BMPR1B: variants seen among roughly 807,000 people sequenced by gnomAD.
BMPR1B encodes bone morphogenetic protein receptor type 1B.
Under a neutral mutation model 59.1 loss-of-function variants are expected in BMPR1B, and 12 were observed. That is an observed-to-expected ratio of 0.20 (90% confidence interval 0.13 to 0.33). The LOEUF (loss-of-function observed/expected upper bound fraction) is 0.33. Among genes scored for constraint, BMPR1B ranks in the 10% least tolerant of loss-of-function variants. BMPR1B has a pLI of 1.00. For missense variants in BMPR1B, 550 were observed against 610.9 expected (o/e 0.90, Z 1.05); for synonymous variants, 237 against 207.3 (o/e 1.14, Z -1.23).
At chr4:95,051,713 A>C in intron 3 of BMPR1B, 1 of 1,535,636 alleles carries the variant, frequency 6.5e-7, no homozygotes, top group Non-Finnish European at 8.7e-7. Context: ...GGTTGGCTGG[A>C]AGAACTAAAC....
chr4:95,008,759 A>G (rs571228189), intron 3 of BMPR1B, among the ~76,000 whole-genome samples: 2 of 152,316 alleles, frequency 1.3e-5, no homozygotes, highest in Admixed American at 1.3e-4. Flanking sequence ...AGAATTTATT[A>G]AAGATACCAT....
chr4:94,902,443 ATTAT>A (rs1209198704), intron 2 of BMPR1B, among the ~76,000 whole-genome samples: 2 of 151,912 alleles, frequency 1.3e-5, no homozygotes, highest in East Asian at 3.9e-4. Flanking sequence ...TATTCTGAAA[ATTAT>A]TTATCTCTAG....
intron 10 of BMPR1B, 102 bp from the exon 11 acceptor site, chr4:95,148,646 T>A: frequency 8.1e-7 from 1 of 1,229,044 alleles, no homozygotes; most frequent in South Asian, 1.3e-5. Flanking sequence ...AAGTTTTTCT[T>A]TTCCACTTTT....
intron 1 of BMPR1B, among the ~76,000 whole-genome samples, chr4:94,829,608 A>ACTGTGCTAG (rs1193587589): frequency 3.3e-5 from 5 of 152,148 alleles, no homozygotes; most frequent in African/African-American, 1.2e-4. Context: ...CTTCATGGGC[A>ACTGTGCTAG]CTGTGCTAGG....
At position 95,142,669 on chromosome 4, in the gene BMPR1B, C is replaced by G. The variant is rs371088448; in HGVS notation, c.1077-6079C>G. 3.3e-5 allele frequency among the ~76,000 whole-genome samples: 5 copies of G among 152,030 alleles called. No individual in the cohort carries two copies. The South Asian group carries it at 8.3e-4, about 25-fold the overall frequency. On this transcript the variant is annotated intron_variant, in intron 10 of 12. Transcript: ENST00000515059. ...TGCCCAAAGGCTCAATGAGGTAGAG[C>G]CACCTTGTTGGAGCTAGCAACTCTT...
At chr4:94,893,164 A>G (rs1291394796) in intron 2 of BMPR1B, among the ~76,000 whole-genome samples, 15 of 152,116 alleles carry the variant, frequency 9.9e-5, no homozygotes. Flanking sequence ...TATAATATAA[A>G]TGAATATAAA....
intron 1 of BMPR1B, among the ~76,000 whole-genome samples, chr4:94,873,708 C>T (rs1184838861): frequency 1.3e-5 from 2 of 151,808 alleles, no homozygotes; most frequent in Non-Finnish European, 2.9e-5. Flanking sequence ...GTGCCCGGCC[C>T]GACCATGAAT....
In BMPR1B at chr4:94,879,589, C is replaced by T. The variant is rs369191445; in HGVS notation, c.-113+3689C>T. 2.9e-4 allele frequency among the ~76,000 whole-genome samples: 44 copies of T among 152,058 alleles called. No homozygotes were observed. The South Asian group carries it at 4.6e-3, about 16-fold the overall frequency. The stretch of plus-strand genomic sequence containing the variant: ...CTGTACTCCAGCTTGGATGACAGAG[C>T]GAGACCCTGTCTCAGAAATAAATAA... On this transcript the variant is annotated intron_variant, in intron 2 of 12. Transcript: ENST00000515059.
intron 1 of BMPR1B, among the ~76,000 whole-genome samples, chr4:94,803,314 A>C (rs187156226): frequency 7.9e-5 from 12 of 152,114 alleles, no homozygotes; most frequent in African/African-American, 2.9e-4. Flanking sequence ...TCTACCCTGC[A>C]CAGTAATCTG....
At chr4:94,857,275 T>G (rs1725796937) in intron 1 of BMPR1B, among the ~76,000 whole-genome samples, 1 of 152,206 alleles carries the variant, frequency 6.6e-6, no homozygotes, top group African/African-American at 2.4e-5. Flanking sequence ...TTAACAAATA[T>G]TTAAGCAAAT....
At chr4:95,060,010 T>A (rs1727236548) in intron 3 of BMPR1B, among the ~76,000 whole-genome samples, 1 of 152,198 alleles carries the variant, frequency 6.6e-6, no homozygotes. Flanking sequence ...CAATGGCCAT[T>A]GAGTACAAAT....
At chr4:94,921,777 T>C (rs1352897884) in intron 2 of BMPR1B, among the ~76,000 whole-genome samples, 1 of 152,164 alleles carries the variant, frequency 6.6e-6, no homozygotes, top group Non-Finnish European at 1.5e-5. Flanking sequence ...ACTGCAGGAT[T>C]GTAGCATTAA....
chr4:94,812,127 C>T (rs1297673662), intron 1 of BMPR1B, among the ~76,000 whole-genome samples: 1 of 152,148 alleles, frequency 6.6e-6, no homozygotes, highest in African/African-American at 2.4e-5. Context: ...TAAACAAGCA[C>T]TTATTGAGCA....
At chr4:95,046,780 GGT>G (rs1220436236) in intron 3 of BMPR1B, among the ~76,000 whole-genome samples, 1 of 152,006 alleles carries the variant, frequency 6.6e-6, no homozygotes, top group Non-Finnish European at 1.5e-5. Context: ...AGACTCCTTT[GGT>G]ATATAAATTA....
At chr4:94,990,046 T>C (rs1721638945) in intron 2 of BMPR1B, among the ~76,000 whole-genome samples, 1 of 152,192 alleles carries the variant, frequency 6.6e-6, no homozygotes, top group Admixed American at 6.5e-5. Context: ...TACTTGGTAT[T>C]TACTCAAGAG....
At chr4:95,003,624 T>C (rs1722607629) in intron 3 of BMPR1B, among the ~76,000 whole-genome samples, 1 of 152,122 alleles carries the variant, frequency 6.6e-6, no homozygotes, top group African/African-American at 2.4e-5. Context: ...TGTATGTGTG[T>C]ATATATGTAT....
intron 1 of BMPR1B, among the ~76,000 whole-genome samples, chr4:94,833,101 G>T (rs896349873): frequency 4.0e-5 from 6 of 151,274 alleles, no homozygotes; most frequent in South Asian, 2.1e-4. Flanking sequence ...TGAGGTGGAA[G>T]GATCACTTGA....
intron 2 of BMPR1B, among the ~76,000 whole-genome samples, chr4:94,928,996 G>T (rs1169679129): frequency 1.3e-5 from 2 of 151,984 alleles, no homozygotes; most frequent in African/African-American, 4.8e-5. Flanking sequence ...AAAATGATTT[G>T]TGACACAACT....
intron 3 of BMPR1B, among the ~76,000 whole-genome samples, chr4:95,011,871 T>C (rs1723249601): frequency 6.6e-6 from 1 of 151,770 alleles, no homozygotes; most frequent in East Asian, 1.9e-4. Context: ...ATACAAAAAT[T>C]AGCTGGGCAT....
Sources: gnomAD v4.1 joint callset for allele counts (sites outside exome capture counted in the v4.1 genomes callset) on GRCh38, gnomAD v4.1.1 for gene constraint, MANE v1.5 for transcripts, NCBI Gene and HGNC (gene_info 2026-07-23, HGNC 2026-07-21) for gene names.